SOS2: variants seen among roughly 807,000 people sequenced by gnomAD.
SOS2 encodes son of sevenless homolog 2.
In SOS2, 65 loss-of-function variants were observed where a neutral mutation model predicts 148.2. The observed-to-expected ratio is 0.44, with a 90% CI of 0.36 to 0.54. The LOEUF (loss-of-function observed/expected upper bound fraction) is 0.54. Ranked by LOEUF, SOS2 falls within the 20% of genes least tolerant of loss-of-function variation. SOS2 has a pLI of 0.00. For missense variants in SOS2, 1,341 were observed against 1,590.2 expected, an observed-to-expected ratio of 0.84 and a Z score of 2.67; for synonymous variants, 539 against 537.1, an observed-to-expected ratio of 1.00 and a Z score of -0.05.
chr14:50,157,261 CAAA>C, intron 11 of SOS2, 140 bp from the exon 12 acceptor site: 1 of 825,850 alleles, frequency 1.2e-6, no homozygotes, highest in Non-Finnish European at 1.8e-6. Context: ...TGATATACTA[CAAA>C]AAACTGTCCT....
In SOS2 at chr14:50,134,208, C is replaced by A. The variant is rs1883999102; in HGVS notation, c.2990G>T (p.Ser997Ile). ...ATCTGTAAACTCTTTTTCAGATGCA[C>A]TTCCCATGGGGTTAAGGTTTTCAAA... ...RFFENLNPMG[S>I]ASEKEFTDYL... The change falls in exon 19 of 23, where the codon AGT (serine) becomes ATT (isoleucine). Residue 997 changes from serine to isoleucine, a missense_variant. Around this residue, in one of 4 missense-constraint regions of SOS2, gnomAD observed 408 missense variants for 506.6 expected, o/e 0.81. Coordinates refer to ENST00000216373, the MANE Select transcript of SOS2 (RefSeq NM_006939.4). 1 of 1,601,552 alleles carries A rather than the reference C, an allele frequency of 6.2e-7. No individual in the cohort carries two copies. Among genetic ancestry groups the A allele is most frequent in the African/African-American group, 1.3e-5 (1 of 74,602 alleles).
In SOS2 at chr14:50,117,709, T is replaced by G. The variant is rs1883334127; in HGVS notation, c.*635A>C. 6.6e-6 allele frequency: 1 copy of G among 152,248 alleles called. No individual in the cohort carries two copies. The highest frequency in any genetic ancestry group is 2.4e-5 in the African/African-American group (1 of 41,462). The allele number at this position is 152,248 out of a possible 1,614,324, so 9.4% of individuals were successfully genotyped here. A position where few individuals can be genotyped will look rare whatever the true frequency, so the allele number is the denominator to read the frequency against. ...GAATGAGATACATGCCCTTTTTCCC[T>G]CCATCATTGGGTTATGTAGTCTTTG... is the stretch of plus-strand genomic sequence containing the variant. On this transcript the variant is annotated 3_prime_UTR_variant, in exon 23 of 23. Transcript: ENST00000216373.
chr14:50,120,115 A>G lies in SOS2; in HGVS notation c.3489+160T>C, dbSNP rs147296316. 1.9e-3 allele frequency among the ~76,000 whole-genome samples: 291 copies of G among 152,292 alleles called. 2 individuals are homozygous for G. Among genetic ancestry groups the G allele is most frequent in the African/African-American group, 6.1e-3 (253 of 41,566 alleles). On this transcript the variant is annotated intron_variant, in intron 22 of 22. Coordinates refer to ENST00000216373, the MANE Select transcript of SOS2 (RefSeq NM_006939.4). ...CCTCTTATTTAGAAAAGGTTTTTAT[A>G]AGGATTAAACAACTAAAAGTATTTT...
At chr14:50,194,899 TG>T (rs977556557) in intron 4 of SOS2, among the ~76,000 whole-genome samples, 6 of 151,952 alleles carry the variant, frequency 3.9e-5, no homozygotes, top group African/African-American at 1.4e-4. Flanking sequence ...CAAAGGCACC[TG>T]GCCTTTTCAA....
rs540300521 is a variant in SOS2 at position 50,178,977 on chromosome 14, C to T, written c.969+1595G>A. On this transcript the variant is annotated intron_variant, in intron 7 of 22. Transcript: ENST00000216373. ...CTGGAACTCCTGACCTCAGGTGATC[C>T]GATCCACCCACCTCAGCCTCCCAAA... is the stretch of plus-strand genomic sequence containing the variant. Among the ~76,000 whole-genome samples the T allele has an allele frequency of 5.9e-5, 9 of 152,010 alleles. No individual in the cohort carries two copies. The East Asian group carries it at 1.7e-3, about 30-fold the overall frequency.
intron 8 of SOS2, among the ~76,000 whole-genome samples, chr14:50,164,349 AG>A (rs1477004389): frequency 6.6e-6 from 1 of 152,102 alleles, no homozygotes; most frequent in Non-Finnish European, 1.5e-5. Flanking sequence ...CTGAGGTGAG[AG>A]GATGACCTAA....
rs776470985 is a variant in SOS2, at chr14:50,188,670, T to A, written c.541A>T (p.Ile181Leu). 6.2e-7 allele frequency: 1 copy of A among 1,607,560 alleles called. No individual in the cohort carries two copies. Among genetic ancestry groups the A allele is most frequent in the Non-Finnish European group, 8.5e-7 (1 of 1,177,570 alleles). Residue 181 changes from isoleucine (I) to leucine (L), a missense_variant, in exon 5 of 23, where the codon ATA (isoleucine) becomes TTA (leucine). Ile to Leu is a conservative substitution (Grantham distance 5, BLOSUM62 2). Transcript: ENST00000216373. ...VLMDMFDQDD[I>L]GLVSLCEDEP... ...TCTTCACAGAGAGAAACCAAACCTA[T>A]GTCATCCTGATCAAACATGTCCATC...
chr14:50,179,816 C>G (rs934418196), intron 7 of SOS2, among the ~76,000 whole-genome samples: 2 of 152,018 alleles, frequency 1.3e-5, no homozygotes, highest in African/African-American at 4.8e-5. Context: ...TATTCCTGAA[C>G]CAACTAACTT....
At chr14:50,178,411 A>G (rs753052714) in intron 7 of SOS2, among the ~76,000 whole-genome samples, 59 of 152,046 alleles carry the variant, frequency 3.9e-4, no homozygotes, top group Non-Finnish European at 7.9e-4. Context: ...GAGCCTGTGG[A>G]ACTCTGAGCC....
At chr14:50,200,375 A>G (rs1184065887) in intron 3 of SOS2, among the ~76,000 whole-genome samples, 1 of 152,196 alleles carries the variant, frequency 6.6e-6, no homozygotes, top group Admixed American at 6.6e-5. Flanking sequence ...ACTAGGTCCT[A>G]GTCCACTTTT....
intron 4 of SOS2, among the ~76,000 whole-genome samples, chr14:50,194,564 T>C (rs961208958): frequency 1.4e-5 from 2 of 147,056 alleles, no homozygotes; most frequent in Admixed American, 1.4e-4. Context: ...TCACCTGAGG[T>C]CAGGAGTTTG....
intron 8 of SOS2, among the ~76,000 whole-genome samples, chr14:50,165,471 T>C (rs1885136677): frequency 6.6e-6 from 1 of 152,168 alleles, no homozygotes. Context: ...ATGTATTTTT[T>C]TTTACTCCAC....
At chr14:50,133,920 T>C (rs1179845722) in intron 19 of SOS2, among the ~76,000 whole-genome samples, 1 of 152,124 alleles carries the variant, frequency 6.6e-6, no homozygotes, top group South Asian at 2.1e-4. Context: ...GACACATAAA[T>C]AAGTAGTACC....
intron 19 of SOS2, among the ~76,000 whole-genome samples, chr14:50,133,697 T>C (rs1883982286): frequency 6.6e-6 from 1 of 152,210 alleles, no homozygotes; most frequent in Admixed American, 6.5e-5. Flanking sequence ...AACTGGAAAT[T>C]GTAGCATCAA....
chr14:50,189,097 A>G lies in SOS2; in HGVS notation c.511-397T>C, dbSNP rs1295772361. Among the ~76,000 whole-genome samples the G allele has an allele frequency of 4.0e-5, 6 of 150,570 alleles. No homozygotes were observed. In the Admixed American group the frequency reaches 4.0e-4, roughly 10 times the overall value. ...CACACACACACACACACACACACAC[A>G]CACACGCACACACAAATATTACACA... On this transcript the variant is annotated intron_variant, in intron 4 of 22. Coordinates refer to ENST00000216373, the MANE Select transcript of SOS2 (RefSeq NM_006939.4).
chr14:50,147,028 T>A (rs1419231980), intron 14 of SOS2, among the ~76,000 whole-genome samples: 10 of 140,966 alleles, frequency 7.1e-5, no homozygotes, highest in African/African-American at 2.5e-4. Context: ...AGATCCTATC[T>A]CAAAAAAATA....
intron 1 of SOS2, 135 bp downstream of exon 1, chr14:50,231,062 G>A: frequency 1.8e-6 from 1 of 570,080 alleles, no homozygotes. Flanking sequence ...AGGCAATTGT[G>A]AGCCCCCCAT....
chr14:50,169,800 T>C (rs1422400346), intron 8 of SOS2, among the ~76,000 whole-genome samples: 3 of 152,036 alleles, frequency 2.0e-5, no homozygotes, highest in Non-Finnish European at 4.4e-5. Flanking sequence ...ATGGCAGATA[T>C]ATAGAATATA....
At chr14:50,171,945 A>G (rs2139670648) in intron 8 of SOS2, among the ~76,000 whole-genome samples, 1 of 150,790 alleles carries the variant, frequency 6.6e-6, no homozygotes, top group African/African-American at 2.4e-5. Flanking sequence ...CTCTTGGTAT[A>G]CATGTGCCTG....
Sources: allele counts gnomAD v4.1 joint callset (sites outside exome capture counted in the v4.1 genomes callset), GRCh38; gene constraint gnomAD v4.1.1; regional missense constraint gnomAD v4.1.1; transcripts MANE v1.5; gene names NCBI Gene and HGNC (gene_info 2026-07-23, HGNC 2026-07-21).